The following DNAJC5 variants were observed in gnomAD, a reference collection of about 807,000 sequenced individuals.
DNAJC5 encodes the protein dnaJ homolog subfamily C member 5.
DNAJC5 carries 1 observed loss-of-function variant against 23.2 expected under a neutral mutation model. The ratio of observed to expected loss-of-function variants is 0.04; its 90% confidence interval spans 0.02 to 0.20. The LOEUF is 0.20. Ranked by LOEUF, DNAJC5 falls within the 10% of genes least tolerant of loss-of-function variation. DNAJC5 has a pLI of 1.00. For missense variants in DNAJC5, 180 were observed against 267.0 expected (o/e 0.67, Z 2.27); for synonymous variants, 136 against 120.0 (o/e 1.13, Z -0.87).
At chr20:63,917,420 C>CTGGCTAATGT in intron 1 of DNAJC5, among the ~76,000 whole-genome samples, 1 of 151,912 alleles carries the variant, frequency 6.6e-6, no homozygotes. Flanking sequence ...AAATGCAGAA[C>CTGGCTAATGT]TTTTGTATTT....
At chr20:63,903,757 C>T (rs2053429433) in intron 1 of DNAJC5, among the ~76,000 whole-genome samples, 1 of 152,076 alleles carries the variant, frequency 6.6e-6, no homozygotes, top group Non-Finnish European at 1.5e-5. Flanking sequence ...TGAGACTAGC[C>T]TGGCCAACAT....
intron 1 of DNAJC5, among the ~76,000 whole-genome samples, chr20:63,902,834 C>G (rs2053423275): frequency 6.6e-6 from 1 of 151,282 alleles, no homozygotes; most frequent in Admixed American, 6.6e-5. Flanking sequence ...CGCCGCCACG[C>G]CCAGCTAATG....
chr20:63,904,702 A>G (rs1012811894), intron 1 of DNAJC5, among the ~76,000 whole-genome samples: 1 of 152,230 alleles, frequency 6.6e-6, no homozygotes. Flanking sequence ...CAGCTGGCTG[A>G]CTGACAGCTG....
At chr20:63,923,980 A>G (rs2053591522) in intron 1 of DNAJC5, among the ~76,000 whole-genome samples, 2 of 151,990 alleles carry the variant, frequency 1.3e-5, no homozygotes, top group South Asian at 2.1e-4. Flanking sequence ...TAATGTAAAT[A>G]TTTTCTCCCC....
Position 63,928,599 on chromosome 20 carries a change from T to C in DNAJC5, c.107+147T>C, listed in dbSNP as rs75151201. 401 of 715,456 alleles carry C rather than the reference T, an allele frequency of 5.6e-4. 1 individual carries two copies. The African/African-American group carries it at 6.2e-3, about 11-fold the overall frequency. The allele number at this position is 715,456 out of a possible 1,614,324, so 44.3% of individuals were successfully genotyped here. A position where few individuals can be genotyped will look rare whatever the true frequency, so the allele number is the denominator to read the frequency against. On this transcript the variant is annotated intron_variant, in intron 2 of 4. Transcript: ENST00000360864. The surrounding 1 kb of genome is among the most constrained non-coding windows in gnomAD (Gnocchi z 4.6). ...TGGTCACAGCTCGGTAACACCTTTGTATGTGTAATGTGCTCCTTATAGCTT... is the reference window on the plus strand; with the variant it reads ...TGGTCACAGCTCGGTAACACCTTTGCATGTGTAATGTGCTCCTTATAGCTT...
At position 63,922,314 on chromosome 20, in the gene DNAJC5, T is replaced by G. The variant is rs554903176; in HGVS notation, c.-11-6021T>G. 1.3e-4 allele frequency among the ~76,000 whole-genome samples: 19 copies of G among 151,566 alleles called. No homozygotes were observed. In the South Asian group the frequency reaches 3.8e-3, roughly 30 times the overall value. ...CATCTGTACTAAAAATACAAAAAAA[T>G]TAGCTGGGTGTGGTGGCGCGCGCCT... is the stretch of plus-strand genomic sequence containing the variant. On this transcript the variant is annotated intron_variant, in intron 1 of 4. Coordinates refer to ENST00000360864, the MANE Select transcript of DNAJC5 (RefSeq NM_025219.3).
intron 1 of DNAJC5, among the ~76,000 whole-genome samples, chr20:63,896,731 C>G (rs1213906502): frequency 6.6e-6 from 1 of 152,114 alleles, no homozygotes; most frequent in Non-Finnish European, 1.5e-5. Context: ...CTGCTTAATG[C>G]ATTTATCATA....
At position 63,920,961 on chromosome 20, in the gene DNAJC5, T is replaced by A. The variant is rs1277360759; in HGVS notation, c.-11-7374T>A. On this transcript the variant is annotated intron_variant, in intron 1 of 4. Transcript: ENST00000360864. This position sits in a 1 kb window ranked among gnomAD's most constrained non-coding sequence, Gnocchi z 4.6. ...TCCCAAAGCCTTGTTTGCTTTTTTT[T>A]ATTTTGTTTTGTTTTGAGACGGAGT... 1.3e-5 allele frequency among the ~76,000 whole-genome samples: 2 copies of A among 151,932 alleles called. No homozygotes were observed. Among genetic ancestry groups the A allele is most frequent in the Non-Finnish European group, 2.9e-5 (2 of 67,994 alleles).
rs1568971656 is a variant in DNAJC5 at position 63,895,300 on chromosome 20, G to T, written c.-35G>T. On this transcript the variant is annotated 5_prime_UTR_variant, in exon 1 of 5. Coordinates refer to ENST00000360864, the MANE Select transcript of DNAJC5 (RefSeq NM_025219.3). ...GCGGAGCCGCGGAGCCGGCGGGAGG[G>T]CGGGCGGGCGGGCGGACGGGCAGGT... 1.4e-5 allele frequency: 2 copies of T among 148,044 alleles called. No homozygotes were observed. Among genetic ancestry groups the T allele is most frequent in the African/African-American group, 4.9e-5 (2 of 40,932 alleles). The allele number at this position is 148,044 out of a possible 1,614,324, so 9.2% of individuals were successfully genotyped here.
At position 63,928,990 on chromosome 20, in the gene DNAJC5, C is replaced by A. The variant is rs1057296425; in HGVS notation, c.108-322C>A. ...CATCATTACGCCCCGCCGTGCTTAC[C>A]GTTCACTTGGCACTTGTGCAGTTAG... On this transcript the variant is annotated intron_variant, in intron 2 of 4. Transcript: ENST00000360864. The surrounding 1 kb of genome is among the most constrained non-coding windows in gnomAD (Gnocchi z 4.6). Among the ~76,000 whole-genome samples the A allele has an allele frequency of 6.6e-6, 1 of 152,258 alleles. No individual in the cohort carries two copies. Among genetic ancestry groups the A allele is most frequent in the Non-Finnish European group, 1.5e-5 (1 of 68,044 alleles).
intron 1 of DNAJC5, among the ~76,000 whole-genome samples, chr20:63,904,961 G>A (rs1021571513): frequency 2.6e-5 from 4 of 151,324 alleles, no homozygotes; most frequent in African/African-American, 9.7e-5. Context: ...CCGCCACCAC[G>A]CCCGGCTAAT....
rs183849252 is a variant in DNAJC5, at chr20:63,922,236, C to T, written c.-11-6099C>T. Reference sequence around the variant, plus strand: ...CAGCACTTCGAGAGGCCGAGGCAGGCGGGTCACCTGAGGTCAGGAGTTCAA... The same window carrying T: ...CAGCACTTCGAGAGGCCGAGGCAGGTGGGTCACCTGAGGTCAGGAGTTCAA... On this transcript the variant is annotated intron_variant, in intron 1 of 4. Coordinates refer to ENST00000360864, the MANE Select transcript of DNAJC5 (RefSeq NM_025219.3). 8.7e-3 allele frequency among the ~76,000 whole-genome samples: 1,322 copies of T among 151,298 alleles called. 12 individuals carry two copies. Among genetic ancestry groups the T allele is most frequent in the Non-Finnish European group, 0.011 (728 of 67,742 alleles).
intron 1 of DNAJC5, among the ~76,000 whole-genome samples, chr20:63,898,631 C>A (rs146658314): frequency 1.7e-3 from 262 of 152,212 alleles, no homozygotes; most frequent in Non-Finnish European, 2.9e-3. Flanking sequence ...ATCTTGAGAT[C>A]GAGAGATCGA....
intron 1 of DNAJC5, among the ~76,000 whole-genome samples, chr20:63,901,606 T>C (rs774157648): frequency 4.3e-4 from 65 of 152,376 alleles, no homozygotes; most frequent in Non-Finnish European, 7.9e-4. Context: ...CGGACGAGGC[T>C]GCAGGTGCCT....
intron 1 of DNAJC5, among the ~76,000 whole-genome samples, chr20:63,924,249 C>G (rs1331839441): frequency 1.3e-5 from 2 of 152,160 alleles, no homozygotes; most frequent in Non-Finnish European, 2.9e-5. Context: ...AGGCTTCTGT[C>G]AAGTCTACAG....
At chr20:63,924,952 C>T (rs1261127246) in intron 1 of DNAJC5, among the ~76,000 whole-genome samples, 1 of 152,202 alleles carries the variant, frequency 6.6e-6, no homozygotes, top group African/African-American at 2.4e-5. Flanking sequence ...CACTCAAGAT[C>T]AAGGATACAC....
intron 1 of DNAJC5, among the ~76,000 whole-genome samples, chr20:63,911,175 CTG>C (rs1441207621): frequency 1.3e-5 from 2 of 152,142 alleles, no homozygotes; most frequent in Non-Finnish European, 2.9e-5. Flanking sequence ...GTAGATGAGT[CTG>C]TGAATTAAAA....
chr20:63,916,402 G>A (rs142667628), intron 1 of DNAJC5, among the ~76,000 whole-genome samples: 15 of 152,322 alleles, frequency 9.8e-5, no homozygotes, highest in African/African-American at 2.6e-4. Flanking sequence ...CGCGATGCCC[G>A]CCTGAGCCAC....
In DNAJC5 at chr20:63,928,850, G is replaced by A. The variant is rs77947172; in HGVS notation, c.107+398G>A. Among the ~76,000 whole-genome samples, 3,044 of 152,264 alleles carry A rather than the reference G, an allele frequency of 0.02. 61 individuals are homozygous for A. The highest frequency in any genetic ancestry group is 0.034 in the Non-Finnish European group (2,315 of 68,018). The stretch of plus-strand genomic sequence containing the variant: ...ATTGAGCTTGAAGAACTGCACTCTT[G>A]GGTACAGTTTCATTGAGTAACCTGT... On this transcript the variant is annotated intron_variant, in intron 2 of 4. Coordinates refer to ENST00000360864, the MANE Select transcript of DNAJC5 (RefSeq NM_025219.3). This position sits in a 1 kb window ranked among gnomAD's most constrained non-coding sequence, Gnocchi z 4.6.
Sources: gnomAD v4.1 joint callset for allele counts (sites outside exome capture counted in the v4.1 genomes callset) on GRCh38, gnomAD v4.1.1 for gene constraint, Gnocchi (gnomAD v3.1) non-coding constraint, MANE v1.5 for transcripts, NCBI Gene and HGNC (gene_info 2026-07-23, HGNC 2026-07-21) for gene names.